The following MGMT variants were observed in gnomAD, a reference collection of about 807,000 sequenced individuals.
MGMT encodes the protein O-6-methylguanine-DNA methyltransferase.
A neutral mutation model predicts 15.9 loss-of-function variants in MGMT; 14 were observed. The ratio of observed to expected loss-of-function variants is 0.88; its 90% CI spans 0.58 to 1.37. MGMT has a LOEUF of 1.37. MGMT is among the 40% of genes most tolerant of loss of function. MGMT has a pLI of 0.00. For synonymous variants in MGMT, 130 were observed against 118.2 expected, an observed-to-expected ratio of 1.10 and a Z score of -0.65; for missense variants, 282 against 268.1, an observed-to-expected ratio of 1.05 and a Z score of -0.36.
chr10:129,531,213 T>G (rs1037108514), intron 1 of MGMT, among the ~76,000 whole-genome samples: 2 of 152,120 alleles, frequency 1.3e-5, no homozygotes, highest in African/African-American at 4.8e-5. Context: ...TCAGACGTCT[T>G]TCTTCCTGGG....
At chr10:129,476,750 T>G (rs1348847899) in intron 1 of MGMT, among the ~76,000 whole-genome samples, 1 of 152,046 alleles carries the variant, frequency 6.6e-6, no homozygotes, top group African/African-American at 2.4e-5. Flanking sequence ...TGTGTCCTGC[T>G]ACAAGGGGCC....
intron 2 of MGMT, among the ~76,000 whole-genome samples, chr10:129,641,547 C>T (rs1008409808): frequency 6.6e-6 from 1 of 152,154 alleles, no homozygotes; most frequent in Non-Finnish European, 1.5e-5. Context: ...CAAGAATGGT[C>T]ATTAAATTCT....
chr10:129,646,742 A>ATG (rs1363807123), intron 2 of MGMT, among the ~76,000 whole-genome samples: 1 of 83,244 alleles, frequency 1.2e-5, no homozygotes, highest in African/African-American at 4.3e-5. Context: ...ATATATATAT[A>ATG]TATATATATA....
At chr10:129,671,122 AAC>A (rs1398151686) in intron 2 of MGMT, among the ~76,000 whole-genome samples, 6 of 152,242 alleles carry the variant, frequency 3.9e-5, no homozygotes, top group Admixed American at 6.5e-5. Context: ...CTGGCTGTCA[AAC>A]ACACCCATTA....
intron 3 of MGMT, among the ~76,000 whole-genome samples, chr10:129,711,087 A>G (rs74160273): frequency 0.014 from 2,116 of 152,238 alleles, 45 homozygotes; most frequent in African/African-American, 0.047. Context: ...CTGACTGCGC[A>G]GTACCAAGCC....
chr10:129,486,862 A>G (rs1388832307), intron 1 of MGMT, among the ~76,000 whole-genome samples: 1 of 152,246 alleles, frequency 6.6e-6, no homozygotes, highest in Non-Finnish European at 1.5e-5. Flanking sequence ...AGACAGAAGA[A>G]GAGTGTATTC....
chr10:129,528,502 G>T (rs975323611), intron 1 of MGMT, among the ~76,000 whole-genome samples: 3 of 151,946 alleles, frequency 2.0e-5, no homozygotes, highest in African/African-American at 7.3e-5. Flanking sequence ...AGGCTGGAGT[G>T]TGAGGGGCAG....
chr10:129,682,822 T>A (rs1564759798), intron 2 of MGMT, among the ~76,000 whole-genome samples: 1 of 152,182 alleles, frequency 6.6e-6, no homozygotes, highest in Non-Finnish European at 1.5e-5. Flanking sequence ...ACTATAAAGT[T>A]TAAAAAAATT....
intron 2 of MGMT, among the ~76,000 whole-genome samples, chr10:129,686,217 A>T (rs1847902792): frequency 1.3e-5 from 2 of 148,792 alleles, no homozygotes; most frequent in South Asian, 4.2e-4. Context: ...AAACAAAGTT[A>T]AAAAAAAAAT....
intron 2 of MGMT, among the ~76,000 whole-genome samples, chr10:129,646,756 T>TATATA: frequency 1.6e-5 from 1 of 64,488 alleles, no homozygotes; most frequent in African/African-American, 7.2e-5. Context: ...ATATATATAT[T>TATATA]TTCAGGGAAT....
At chr10:129,557,208 A>G (rs1846224072) in intron 2 of MGMT, among the ~76,000 whole-genome samples, 1 of 152,230 alleles carries the variant, frequency 6.6e-6, no homozygotes, top group African/African-American at 2.4e-5. Flanking sequence ...AAGAGGAACT[A>G]TGTCAGATGT....
intron 3 of MGMT, among the ~76,000 whole-genome samples, chr10:129,711,789 G>T (rs1267223275): frequency 6.6e-6 from 1 of 151,804 alleles, no homozygotes. Flanking sequence ...CTCTCGCAAG[G>T]GTCAGCTTTG....
At chr10:129,740,343 G>T (rs1848617203) in intron 3 of MGMT, among the ~76,000 whole-genome samples, 1 of 152,104 alleles carries the variant, frequency 6.6e-6, no homozygotes, top group African/African-American at 2.4e-5. Context: ...GCCATCTGGG[G>T]GTAGCACTAC....
intron 2 of MGMT, among the ~76,000 whole-genome samples, chr10:129,633,662 G>A (rs1000757361): frequency 6.6e-6 from 1 of 152,192 alleles, no homozygotes; most frequent in African/African-American, 2.4e-5. Flanking sequence ...ACAGCCCCCA[G>A]ATAAGTAGTG....
At chr10:129,712,881 A>G (rs1848248592) in intron 3 of MGMT, among the ~76,000 whole-genome samples, 1 of 152,136 alleles carries the variant, frequency 6.6e-6, no homozygotes, top group Non-Finnish European at 1.5e-5. Flanking sequence ...TGGGTGCCCA[A>G]GTAGATGGCC....
intron 3 of MGMT, among the ~76,000 whole-genome samples, chr10:129,745,360 C>T (rs1848682337): frequency 6.6e-6 from 1 of 152,082 alleles, no homozygotes; most frequent in African/African-American, 2.4e-5. Flanking sequence ...GGAGTTCCAC[C>T]ACCTGGACAC....
intron 2 of MGMT, among the ~76,000 whole-genome samples, chr10:129,635,662 G>A (rs1847257070): frequency 6.6e-6 from 1 of 152,208 alleles, no homozygotes; most frequent in South Asian, 2.1e-4. Context: ...GTATTTACAT[G>A]AAGTTTTAAA....
chr10:129,569,531 T>C (rs1027312176), intron 2 of MGMT, among the ~76,000 whole-genome samples: 1 of 152,200 alleles, frequency 6.6e-6, no homozygotes, highest in Non-Finnish European at 1.5e-5. Context: ...TGCTGTTGCC[T>C]GGCTTTGCCT....
rs183728838 is a variant in MGMT, at chr10:129,541,622, G to A, written c.125+5245G>A. Among the ~76,000 whole-genome samples the A allele has an allele frequency of 2.3e-3, 354 of 152,268 alleles. 1 individual carries two copies. Among genetic ancestry groups the A allele is most frequent in the Non-Finnish European group, 3.6e-3 (245 of 68,018 alleles). Reference sequence around the variant, plus strand: ...GTAGGACTTGTAGATCTTGGAAGCTGGGGAGCTAAGGGGGCTCATCTTTCA... The same window carrying A: ...GTAGGACTTGTAGATCTTGGAAGCTAGGGAGCTAAGGGGGCTCATCTTTCA... On this transcript the variant is annotated intron_variant, in intron 2 of 4. Transcript: ENST00000651593.
Sources: gnomAD v4.1 joint callset for allele counts (sites outside exome capture counted in the v4.1 genomes callset) on GRCh38, gnomAD v4.1.1 for gene constraint, MANE v1.5 for transcripts, NCBI Gene and HGNC (gene_info 2026-07-23, HGNC 2026-07-21) for gene names.